ZNF804B: variants seen among roughly 807,000 people sequenced by gnomAD.
The protein encoded by ZNF804B is zinc finger 804B.
ZNF804B carries 80 observed loss-of-function variants against 101.4 expected under a neutral mutation model. That is an observed-to-expected ratio of 0.79 (90% CI 0.66 to 0.95). The LOEUF (loss-of-function observed/expected upper bound fraction) is 0.95. Ranked by LOEUF, ZNF804B falls within the 40% of genes least tolerant of loss-of-function variation. ZNF804B has a pLI of 0.00. For synonymous variants in ZNF804B, 622 were observed against 558.8 expected, an observed-to-expected ratio of 1.11 and a Z score of -1.59; for missense variants, 1,673 against 1,561.9, an observed-to-expected ratio of 1.07 and a Z score of -1.20.
intron 1 of ZNF804B, among the ~76,000 whole-genome samples, chr7:89,134,106 C>G (rs897760591): frequency 2.0e-4 from 30 of 152,012 alleles, no homozygotes; most frequent in African/African-American, 6.5e-4. Flanking sequence ...AACACTGTCC[C>G]CAACAAAAAC....
chr7:88,921,375 T>A (rs1477652965), intron 1 of ZNF804B, among the ~76,000 whole-genome samples: 1 of 152,080 alleles, frequency 6.6e-6, no homozygotes, highest in Non-Finnish European at 1.5e-5. Flanking sequence ...GGTCCGTCCT[T>A]TCATCAAATT....
intron 1 of ZNF804B, among the ~76,000 whole-genome samples, chr7:89,161,821 T>C (rs1353180614): frequency 6.6e-6 from 1 of 152,180 alleles, no homozygotes; most frequent in Non-Finnish European, 1.5e-5. Flanking sequence ...ACTCATATGT[T>C]TGTTATTTGT....
chr7:88,877,030 T>TATATATA (rs1562820444), intron 1 of ZNF804B, among the ~76,000 whole-genome samples: 7 of 43,154 alleles, frequency 1.6e-4, no homozygotes, highest in African/African-American at 8.8e-4. Flanking sequence ...ATATATAATA[T>TATATATA]ATATATATAT....
At chr7:89,031,965 AG>A (rs1395251586) in intron 1 of ZNF804B, among the ~76,000 whole-genome samples, 3 of 81,738 alleles carry the variant, frequency 3.7e-5, no homozygotes, top group African/African-American at 1.1e-4. Context: ...TTTGTGCAAT[AG>A]GTTTTTTTTT....
At chr7:88,767,261 G>A (rs914545177) in intron 1 of ZNF804B, among the ~76,000 whole-genome samples, 2 of 152,088 alleles carry the variant, frequency 1.3e-5, no homozygotes, top group Non-Finnish European at 2.9e-5. Flanking sequence ...CTTTAGTTCA[G>A]AATTTACAGC....
intron 1 of ZNF804B, among the ~76,000 whole-genome samples, chr7:89,128,712 T>C (rs1336568305): frequency 1.3e-5 from 2 of 152,078 alleles, no homozygotes; most frequent in African/African-American, 4.8e-5. Context: ...TAGTTTAACA[T>C]ATTTTCTCAT....
intron 1 of ZNF804B, among the ~76,000 whole-genome samples, chr7:89,179,744 C>T (rs998331661): frequency 2.0e-5 from 3 of 152,066 alleles, no homozygotes; most frequent in African/African-American, 7.2e-5. Flanking sequence ...TATTTGTTGT[C>T]CTCATCACAG....
chr7:88,953,042 C>T (rs1793248936), intron 1 of ZNF804B, among the ~76,000 whole-genome samples: 1 of 151,752 alleles, frequency 6.6e-6, no homozygotes, highest in African/African-American at 2.4e-5. Context: ...TGTAGACCAA[C>T]TCTTACCTGG....
At chr7:88,830,258 C>T (rs1363020628) in intron 1 of ZNF804B, among the ~76,000 whole-genome samples, 1 of 151,940 alleles carries the variant, frequency 6.6e-6, no homozygotes, top group Admixed American at 6.6e-5. Context: ...ATCAAATTAG[C>T]CAGAGTACAA....
At chr7:89,255,150 C>G (rs1789607313) in intron 2 of ZNF804B, among the ~76,000 whole-genome samples, 1 of 152,138 alleles carries the variant, frequency 6.6e-6, no homozygotes, top group Admixed American at 6.5e-5. Context: ...AAGTAGGCGC[C>G]TTCTTCACAG....
At chr7:88,955,530 A>G (rs2116078379) in intron 1 of ZNF804B, among the ~76,000 whole-genome samples, 1 of 151,818 alleles carries the variant, frequency 6.6e-6, no homozygotes, top group Non-Finnish European at 1.5e-5. Context: ...GTTATGATTT[A>G]TATTCTAGAT....
chr7:88,845,113 AG>A (rs1490734608), intron 1 of ZNF804B, among the ~76,000 whole-genome samples: 5 of 152,292 alleles, frequency 3.3e-5, no homozygotes, highest in Non-Finnish European at 5.9e-5. Context: ...TAATAAGGCA[AG>A]GGGTGGTTCA....
chr7:88,786,557 GC>G lies in ZNF804B; in HGVS notation c.108+26474del, dbSNP rs533121477. Among the ~76,000 whole-genome samples, 427 of 152,036 alleles carry G rather than the reference GC, an allele frequency of 2.8e-3. 2 individuals carry two copies. The highest frequency in any genetic ancestry group is 5.0e-3 in the Non-Finnish European group (341 of 67,954). The stretch of plus-strand genomic sequence containing the variant: ...TTAATTTATTTTAATTTATCAAACT[GC>G]TTTTATTCTGTTTTTCTTTCCTAGG... On this transcript the variant is annotated intron_variant, in intron 1 of 3. Coordinates refer to ENST00000333190, the MANE Select transcript of ZNF804B (RefSeq NM_181646.5).
chr7:88,976,693 G>C (rs1244398042), intron 1 of ZNF804B, among the ~76,000 whole-genome samples: 2 of 151,540 alleles, frequency 1.3e-5, no homozygotes, highest in African/African-American at 4.8e-5. Context: ...TACATAATTT[G>C]AATTCTTCCT....
chr7:88,801,373 TA>T (rs1433395181), intron 1 of ZNF804B, among the ~76,000 whole-genome samples: 1 of 152,030 alleles, frequency 6.6e-6, no homozygotes, highest in Non-Finnish European at 1.5e-5. Context: ...GTTTGAATTT[TA>T]CTCCGTGGAT....
At chr7:89,228,923 G>A (rs990909537) in intron 2 of ZNF804B, among the ~76,000 whole-genome samples, 4 of 152,196 alleles carry the variant, frequency 2.6e-5, no homozygotes, top group African/African-American at 9.6e-5. Flanking sequence ...CCGCGGGAAG[G>A]CAGCTAAGGC....
At chr7:88,775,250 A>C (rs1316474137) in intron 1 of ZNF804B, among the ~76,000 whole-genome samples, 1 of 152,172 alleles carries the variant, frequency 6.6e-6, no homozygotes, top group Non-Finnish European at 1.5e-5. Context: ...AATCTGAGAC[A>C]TGAAGAATGA....
chr7:88,853,716 G>A (rs986671059), intron 1 of ZNF804B, among the ~76,000 whole-genome samples: 1 of 152,024 alleles, frequency 6.6e-6, no homozygotes, highest in Non-Finnish European at 1.5e-5. Flanking sequence ...AATGTACCAA[G>A]TTTCTCCAAA....
chr7:89,137,208 G>A (rs150835064), intron 1 of ZNF804B, among the ~76,000 whole-genome samples: 68 of 152,158 alleles, frequency 4.5e-4, no homozygotes, highest in Non-Finnish European at 7.4e-4. Context: ...TGCAGGGGCT[G>A]GAACGGTTTG....
Sources: gnomAD v4.1 joint callset for allele counts (sites outside exome capture counted in the v4.1 genomes callset) on GRCh38, gnomAD v4.1.1 for gene constraint, MANE v1.5 for transcripts, NCBI Gene and HGNC (gene_info 2026-07-23, HGNC 2026-07-21) for gene names.